ZFY: variants seen among roughly 807,000 people sequenced by gnomAD.
ZFY encodes zinc finger protein Y-linked.
For missense variants in ZFY, 113 were observed against 170.9 expected, an observed-to-expected ratio of 0.66 and a Z score of 1.89; for synonymous variants, 47 against 55.8, an observed-to-expected ratio of 0.84 and a Z score of 0.71.
intron 1 of ZFY, among the ~76,000 whole-genome samples, chrY:2,949,937 A>G: frequency 3.1e-5 from 1 of 32,615 alleles, no homozygotes; most frequent in African/African-American, 1.2e-4. Flanking sequence ...ATGGTTTTCT[A>G]CTTTACATTG....
Position 2,944,852 on chromosome Y carries a change from A to G in ZFY, c.-28-9057A>G, listed in dbSNP as rs764898647. On this transcript the variant is annotated intron_variant, in intron 1 of 7. Coordinates refer to ENST00000155093, the MANE Select transcript of ZFY (RefSeq NM_003411.4). Reference sequence around the variant, plus strand: ...AACCTTTGCCTCCTGGGTTCAAGCGATTCTCCTGCCTCAGCCTCCTGAGTT... The same window carrying G: ...AACCTTTGCCTCCTGGGTTCAAGCGGTTCTCCTGCCTCAGCCTCCTGAGTT... Among the ~76,000 whole-genome samples the G allele has an allele frequency of 1.3e-4, 3 of 23,922 alleles. No individual in the cohort carries two copies. The South Asian group carries it at 2.9e-3, about 23-fold the overall frequency. 64.2% of individuals were successfully genotyped at this position (23,922 alleles called of 37,273 possible).
At position 2,979,038 on chromosome Y, in the gene ZFY, T is replaced by C; in HGVS notation, c.1451T>C (p.Ile484Thr). 2.5e-6 allele frequency: 1 copy of C among 398,899 alleles called. No homozygotes were observed. Among genetic ancestry groups the C allele is most frequent in the South Asian group, 3.0e-5 (1 of 33,755 alleles). Reference protein sequence around the residue: ...HKLTSKAEKAIECDECGKHFS... With the variant: ...HKLTSKAEKATECDECGKHFS... The stretch of plus-strand genomic sequence containing the variant: ...CTGACCAGCAAGGCAGAGAAGGCCA[T>C]TGAATGTGATGAGTGTGGGAAGCAT... The change falls in exon 8 of 8, where the codon ATT becomes ACT. Residue 484 changes from isoleucine (I) to threonine (T), a missense_variant. Transcript: ENST00000155093.
Position 2,981,456 on chromosome Y carries a change from TA to T in ZFY, c.*1465del, listed in dbSNP as rs2051399027. The T allele has an allele frequency of 3.0e-5, 1 of 33,497 alleles. No individual in the cohort carries two copies. The highest frequency in any genetic ancestry group is 7.4e-5 in the Non-Finnish European group (1 of 13,462). 8.4% of individuals were successfully genotyped at this position (33,497 alleles called of 400,897 possible). A position where few individuals can be genotyped will look rare whatever the true frequency, so the allele number is the denominator to read the frequency against. ...ATATAATTAAAAAGAATTTGGTTAA[TA>T]AGAATTTGGAGAATGGAAAATACAT... is the stretch of plus-strand genomic sequence containing the variant. On this transcript the variant is annotated 3_prime_UTR_variant, in exon 8 of 8. Coordinates refer to ENST00000155093, the MANE Select transcript of ZFY (RefSeq NM_003411.4).
Position 2,980,796 on chromosome Y carries a change from A to G in ZFY, c.*803A>G. ...CTTGGTGTGTAACTCTAAATCTTGT[A>G]TATGCATCTTTGTTGCTTATTACAT... On this transcript the variant is annotated 3_prime_UTR_variant, in exon 8 of 8. Coordinates refer to ENST00000155093, the MANE Select transcript of ZFY (RefSeq NM_003411.4). 1 of 33,481 alleles carries G rather than the reference A, an allele frequency of 3.0e-5. No homozygotes were observed. Among genetic ancestry groups the G allele is most frequent in the Non-Finnish European group, 7.4e-5 (1 of 13,479 alleles). The allele number at this position is 33,481 out of a possible 400,897, so 8.4% of individuals were successfully genotyped here.
Position 2,982,180 on chromosome Y carries a change from AAG to A in ZFY, c.*2189_*2190del, listed in dbSNP as rs2051401697. On this transcript the variant is annotated 3_prime_UTR_variant, in exon 8 of 8. Coordinates refer to ENST00000155093, the MANE Select transcript of ZFY (RefSeq NM_003411.4). ...TAAATATAGAACATTTGTATAAAGA[AAG>A]AAATGAAATTGTGCTTAATGTTATA... The A allele has an allele frequency of 1.2e-4, 4 of 33,805 alleles. No individual in the cohort carries two copies. Among genetic ancestry groups the A allele is most frequent in the African/African-American group, 4.6e-4 (4 of 8,783 alleles). 8.4% of individuals were successfully genotyped at this position (33,805 alleles called of 400,897 possible). A position where few individuals can be genotyped will look rare whatever the true frequency, so the allele number is the denominator to read the frequency against.
intron 3 of ZFY, among the ~76,000 whole-genome samples, chrY:2,962,592 GC>G (rs2051314868): frequency 3.1e-5 from 1 of 32,474 alleles, no homozygotes; most frequent in South Asian, 6.8e-4. Flanking sequence ...AGTTGTGCAG[GC>G]ATTTTCGTGG....
intron 1 of ZFY, among the ~76,000 whole-genome samples, chrY:2,938,154 ATTTTTTTTTTTTTTT>A (rs368708159): frequency 9.5e-3 from 27 of 2,845 alleles, no homozygotes; most frequent in African/African-American, 0.039. Context: ...CGCCGGGCTA[ATTTTTTTTTTTTTTT>A]TTTTTTTTTT....
intron 1 of ZFY, among the ~76,000 whole-genome samples, chrY:2,944,002 T>C: frequency 3.0e-5 from 1 of 33,543 alleles, no homozygotes; most frequent in Non-Finnish European, 7.4e-5. Flanking sequence ...TTGGATGTTA[T>C]TGTTCTTTCT....
chrY:2,955,919 C>T (rs2051291679), intron 2 of ZFY, among the ~76,000 whole-genome samples: 1 of 32,871 alleles, frequency 3.0e-5, no homozygotes, highest in Admixed American at 2.8e-4. Flanking sequence ...ACTTAATTCT[C>T]TGGCCTTTTG....
chrY:2,976,402 C>T, intron 5 of ZFY, among the ~76,000 whole-genome samples: 1 of 32,330 alleles, frequency 3.1e-5, no homozygotes, highest in African/African-American at 1.2e-4. Context: ...AGCCACTGTG[C>T]CCTGCCCAAG....
intron 2 of ZFY, 104 bp downstream of exon 2, chrY:2,954,101 C>T (rs2051286561): frequency 7.0e-6 from 1 of 142,525 alleles, no homozygotes; most frequent in Non-Finnish European, 1.2e-5. Context: ...TACTTAGGTC[C>T]ATACTTAGGT....
intron 1 of ZFY, among the ~76,000 whole-genome samples, chrY:2,948,507 T>A: frequency 2.9e-5 from 1 of 34,043 alleles, no homozygotes; most frequent in Non-Finnish European, 7.3e-5. Flanking sequence ...CATCCAGTGC[T>A]TTGAAGTAAA....
At chrY:2,937,009 G>A (rs2051218368) in intron 1 of ZFY, among the ~76,000 whole-genome samples, 1 of 33,082 alleles carries the variant, frequency 3.0e-5, no homozygotes, top group African/African-American at 1.2e-4. Flanking sequence ...AAATATTTAC[G>A]GTTTTGCTGG....
intron 1 of ZFY, among the ~76,000 whole-genome samples, chrY:2,935,975 A>ACGGCGG (rs2051214357): frequency 1.2e-4 from 4 of 34,274 alleles, no homozygotes; most frequent in Admixed American, 2.5e-4. Flanking sequence ...GGGGAAAAGG[A>ACGGCGG]CGGCGGCGGC....
At chrY:2,936,803 C>T (rs2051218007) in intron 1 of ZFY, among the ~76,000 whole-genome samples, 1 of 33,708 alleles carries the variant, frequency 3.0e-5, no homozygotes, top group African/African-American at 1.2e-4. Flanking sequence ...GAGCGTTGGA[C>T]AGTGCTAGGT....
At chrY:2,943,975 C>T (rs2051253730) in intron 1 of ZFY, among the ~76,000 whole-genome samples, 1 of 33,264 alleles carries the variant, frequency 3.0e-5, no homozygotes, top group Non-Finnish European at 7.4e-5. Flanking sequence ...TTTATCAATA[C>T]CCTGAGCCAA....
chrY:2,978,096 G>A lies in ZFY; in HGVS notation c.1222+16G>A. On this transcript the variant is annotated intron_variant, in intron 7 of 7. Transcript: ENST00000155093. Reference sequence around the variant, plus strand: ...TACCAAACAGGTGAGTTCCACAGGGGTGTTATGATGGAGTTTTAGCTAGTA... The same window carrying A: ...TACCAAACAGGTGAGTTCCACAGGGATGTTATGATGGAGTTTTAGCTAGTA... The A allele has an allele frequency of 2.6e-6, 1 of 382,885 alleles. No homozygotes were observed. The highest frequency in any genetic ancestry group is 3.6e-6 in the Non-Finnish European group (1 of 276,559).
intron 2 of ZFY, among the ~76,000 whole-genome samples, chrY:2,957,868 T>C (rs1031064486): frequency 3.0e-5 from 1 of 33,817 alleles, no homozygotes; most frequent in Admixed American, 2.7e-4. Flanking sequence ...CCAGTTTCAT[T>C]GTTCTCTGGA....
chrY:2,959,561 G>T (rs2051302466), intron 2 of ZFY, among the ~76,000 whole-genome samples: 1 of 34,023 alleles, frequency 2.9e-5, no homozygotes, highest in African/African-American at 1.1e-4. Context: ...CTGTTCTATT[G>T]CTGTCTATTA....
Sources: gnomAD v4.1 joint callset for allele counts (sites outside exome capture counted in the v4.1 genomes callset) on GRCh38, gnomAD v4.1.1 for gene constraint, MANE v1.5 for transcripts, NCBI Gene and HGNC (gene_info 2026-07-23, HGNC 2026-07-21) for gene names.